FAM184B: variants seen among roughly 807,000 people sequenced by gnomAD.
FAM184B encodes protein FAM184B.
A neutral mutation model predicts 135.9 loss-of-function variants in FAM184B; 111 were observed. That is an observed-to-expected ratio of 0.82 (90% CI 0.70 to 0.96). The LOEUF (loss-of-function observed/expected upper bound fraction) is 0.96. FAM184B is among the 40% of genes least tolerant of loss of function. The pLI is 0.00. For missense variants in FAM184B, 1,375 were observed against 1,323.9 expected, an observed-to-expected ratio of 1.04 and a Z score of -0.60; for synonymous variants, 552 against 524.8, an observed-to-expected ratio of 1.05 and a Z score of -0.71.
rs58666074 is a variant in FAM184B, at chr4:17,657,655, C to CTTTTT, written c.2037+690_2037+694dup. Among the ~76,000 whole-genome samples the CTTTTT allele has an allele frequency of 5.6e-3, 646 of 114,350 alleles. 26 individuals carry two copies. The highest frequency in any genetic ancestry group is 0.013 in the African/African-American group (369 of 29,060). The allele number at this position is 114,350 out of a possible 152,430, so 75.0% of individuals were successfully genotyped here. A position where few individuals can be genotyped will look rare whatever the true frequency, so the allele number is the denominator to read the frequency against. The stretch of plus-strand genomic sequence containing the variant: ...GAAAGGTCTTTGTGGCTGAGCTGTT[C>CTTTTT]TTTTTTTTTTTTTTTTTTTGAGACA... On this transcript the variant is annotated intron_variant, in intron 10 of 17. Transcript: ENST00000265018.
chr4:17,765,979 C>A (rs991093710), intron 1 of FAM184B, among the ~76,000 whole-genome samples: 6 of 152,096 alleles, frequency 3.9e-5, no homozygotes, highest in Admixed American at 2.0e-4. Flanking sequence ...TATTCATTCC[C>A]CCCGGCAGGT....
At chr4:17,660,356 G>GAACCACC (rs1219642762) in intron 8 of FAM184B, among the ~76,000 whole-genome samples, 2 of 152,160 alleles carry the variant, frequency 1.3e-5, no homozygotes, top group East Asian at 3.9e-4. Context: ...ATCTGTTTTA[G>GAACCACC]TGGGTTCTTA....
chr4:17,747,682 G>A (rs1408117502), intron 1 of FAM184B, among the ~76,000 whole-genome samples: 7 of 152,122 alleles, frequency 4.6e-5, no homozygotes, highest in Non-Finnish European at 5.9e-5. Context: ...AGCACTTTGG[G>A]AGGCCGAGGC....
rs1717213630 is a variant in FAM184B, at chr4:17,709,730, G to A, written c.142-86C>T. 9 of 1,267,200 alleles carry A rather than the reference G, an allele frequency of 7.1e-6. No individual in the cohort carries two copies. In the South Asian group the frequency reaches 1.5e-4, roughly 21 times the overall value. 78.5% of individuals were successfully genotyped at this position (1,267,200 alleles called of 1,614,324 possible). Reference sequence around the variant, plus strand: ...GGGACAGAGCAATATTCTCCTGCATGGCGGTTGATCTGCACAAGTGGCACC... The same window carrying A: ...GGGACAGAGCAATATTCTCCTGCATAGCGGTTGATCTGCACAAGTGGCACC... On this transcript the variant is annotated intron_variant, in intron 1 of 17. Transcript: ENST00000265018.
intron 5 of FAM184B, among the ~76,000 whole-genome samples, chr4:17,694,211 A>T (rs1224748402): frequency 6.6e-6 from 1 of 151,978 alleles, no homozygotes; most frequent in Non-Finnish European, 1.5e-5. Context: ...GGATTGGTAG[A>T]TGACAAGCAC....
rs531324150 is a variant in FAM184B, at chr4:17,674,212, G to A, written c.1597-9553C>T. On this transcript the variant is annotated intron_variant, in intron 7 of 17. Transcript: ENST00000265018. The stretch of plus-strand genomic sequence containing the variant: ...AAGACAAAAGTATTAATAATTACAA[G>A]CATACCTCAGAGATATTGTAGGTTC... Among the ~76,000 whole-genome samples the A allele has an allele frequency of 3.9e-5, 6 of 152,204 alleles. No individual in the cohort carries two copies. The South Asian group carries it at 1.2e-3, about 32-fold the overall frequency.
At position 17,636,510 on chromosome 4, in the gene FAM184B, G is replaced by GC. The variant is rs1715141296; in HGVS notation, c.2784+17dup. On this transcript the variant is annotated intron_variant, in intron 15 of 17. Coordinates refer to ENST00000265018, the MANE Select transcript of FAM184B (RefSeq NM_015688.2). ...GCCCGGCCAGGTGCGTGGGTGAGGC[G>GC]CCCCCTGACAGCCTCACCGTGAGCT... 7 of 1,535,612 alleles carry GC rather than the reference G, an allele frequency of 4.6e-6. No homozygotes were observed. Among genetic ancestry groups the GC allele is most frequent in the Non-Finnish European group, 5.3e-6 (6 of 1,134,602 alleles).
intron 5 of FAM184B, among the ~76,000 whole-genome samples, chr4:17,698,418 G>GAAC (rs10631073): frequency 0.61 from 92,816 of 151,768 alleles, 28,934 homozygotes; most frequent in East Asian, 0.93. Flanking sequence ...CACTGTAAGG[G>GAAC]AACAACTGAG....
intron 8 of FAM184B, 91 bp downstream of exon 8, chr4:17,664,471 A>T (rs755688654): frequency 9.8e-7 from 1 of 1,020,792 alleles, no homozygotes; most frequent in Non-Finnish European, 1.5e-6. Flanking sequence ...AGTGATAAAT[A>T]CTTGAGGATA....
intron 5 of FAM184B, among the ~76,000 whole-genome samples, chr4:17,702,859 GAA>G (rs369023152): frequency 6.6e-6 from 1 of 152,168 alleles, no homozygotes; most frequent in East Asian, 1.9e-4. Context: ...GCCGGGGATG[GAA>G]AGAGTGTCCA....
intron 1 of FAM184B, among the ~76,000 whole-genome samples, chr4:17,740,132 G>A (rs1036369913): frequency 1.6e-4 from 25 of 151,830 alleles, no homozygotes; most frequent in South Asian, 2.1e-4. Flanking sequence ...TGGGCGGATC[G>A]CAGGAGGCCA....
At chr4:17,735,712 C>T (rs925358740) in intron 1 of FAM184B, among the ~76,000 whole-genome samples, 6 of 151,012 alleles carry the variant, frequency 4.0e-5, no homozygotes, top group Non-Finnish European at 5.9e-5. Context: ...TCAGGTGTTC[C>T]GGCTCCTGAG....
Position 17,748,119 on chromosome 4 carries a change from A to AG in FAM184B, c.141+33039_141+33040insC, listed in dbSNP as rs1291828791. Among the ~76,000 whole-genome samples the AG allele has an allele frequency of 7.6e-3, 1,145 of 149,746 alleles. 21 individuals carry two copies. Among genetic ancestry groups the AG allele is most frequent in the East Asian group, 0.07 (348 of 4,974 alleles). On this transcript the variant is annotated intron_variant, in intron 1 of 17. Transcript: ENST00000265018. The stretch of plus-strand genomic sequence containing the variant: ...ACTCCGTCTGAAAAAAAAAAAAAAA[A>AG]AAAAGAAAAGAAAGAGTCAGAAGTA...
intron 1 of FAM184B, among the ~76,000 whole-genome samples, chr4:17,764,257 T>A (rs1164005913): frequency 1.3e-5 from 2 of 152,232 alleles, no homozygotes; most frequent in African/African-American, 2.4e-5. Flanking sequence ...GCCCCAAACC[T>A]GCATATTTGC....
intron 1 of FAM184B, among the ~76,000 whole-genome samples, chr4:17,735,020 T>C (rs1414925427): frequency 1.3e-5 from 2 of 152,190 alleles, no homozygotes; most frequent in African/African-American, 2.4e-5. Flanking sequence ...AAAGAGTTCA[T>C]GTCCTTTGTA....
chr4:17,767,774 C>T (rs1718733654), intron 1 of FAM184B, among the ~76,000 whole-genome samples: 1 of 124,754 alleles, frequency 8.0e-6, no homozygotes, highest in South Asian at 2.6e-4. Flanking sequence ...ATTAAAAGAT[C>T]ACCCTAAATA....
At chr4:17,759,655 G>A (rs1424202093) in intron 1 of FAM184B, among the ~76,000 whole-genome samples, 2 of 151,934 alleles carry the variant, frequency 1.3e-5, no homozygotes, top group Admixed American at 6.6e-5. Flanking sequence ...ACCACATCCA[G>A]CTAACTTTTT....
At chr4:17,779,534 G>A (rs1718994224) in intron 1 of FAM184B, among the ~76,000 whole-genome samples, 1 of 152,138 alleles carries the variant, frequency 6.6e-6, no homozygotes, top group Admixed American at 6.5e-5. Context: ...TTAATGAGTG[G>A]AATGATTGCT....
intron 4 of FAM184B, 123 bp downstream of exon 4, chr4:17,705,629 C>CCA: frequency 6.7e-6 from 8 of 1,196,684 alleles, no homozygotes; most frequent in Non-Finnish European, 9.2e-6. Flanking sequence ...ACTCCAGGAA[C>CCA]TACAGGGTCT....
Sources: allele counts gnomAD v4.1 joint callset (sites outside exome capture counted in the v4.1 genomes callset), GRCh38; gene constraint gnomAD v4.1.1; transcripts MANE v1.5; gene names NCBI Gene and HGNC (gene_info 2026-07-23, HGNC 2026-07-21).